CSMD1: variants seen among roughly 807,000 people sequenced by gnomAD.
CSMD1 encodes CUB and Sushi multiple domains 1.
A neutral mutation model predicts 417.5 loss-of-function variants in CSMD1; 213 were observed. The ratio of observed to expected loss-of-function variants is 0.51; its 90% CI spans 0.46 to 0.57. CSMD1 has a LOEUF of 0.57. Among genes scored for constraint, CSMD1 ranks in the 20% least tolerant of loss-of-function variants. The probability of loss-of-function intolerance (pLI) is 0.00; values close to 1 mark genes in which losing one functional copy is unlikely to be tolerated. For missense variants in CSMD1, 6,923 were observed against 4,529.7 expected, an observed-to-expected ratio of 1.53 and a Z score of -15.17; for synonymous variants, 2,862 against 1,736.8, an observed-to-expected ratio of 1.65 and a Z score of -16.11.
intron 2 of CSMD1, among the ~76,000 whole-genome samples, chr8:4,491,129 C>G (rs923281853): frequency 6.6e-6 from 1 of 152,086 alleles, no homozygotes; most frequent in Non-Finnish European, 1.5e-5. Context: ...ATGAAATAAT[C>G]TCTACAACAA....
At chr8:3,873,224 A>G (rs1805599855) in intron 5 of CSMD1, among the ~76,000 whole-genome samples, 1 of 152,220 alleles carries the variant, frequency 6.6e-6, no homozygotes, top group Non-Finnish European at 1.5e-5. Flanking sequence ...AAGGAACAGC[A>G]ATCATTCTAT....
chr8:3,237,423 C>T (rs1041011728), intron 26 of CSMD1, among the ~76,000 whole-genome samples: 11 of 151,344 alleles, frequency 7.3e-5, no homozygotes, highest in Non-Finnish European at 1.6e-4. Flanking sequence ...CACCATTGTA[C>T]TCCAGCATGG....
At chr8:4,319,957 G>C (rs1274201702) in intron 3 of CSMD1, among the ~76,000 whole-genome samples, 3 of 152,108 alleles carry the variant, frequency 2.0e-5, no homozygotes, top group Non-Finnish European at 4.4e-5. Flanking sequence ...CCAATGTTTG[G>C]ATTTTTACAG....
At chr8:4,178,381 C>T (rs962875627) in intron 3 of CSMD1, among the ~76,000 whole-genome samples, 103 of 150,376 alleles carry the variant, frequency 6.8e-4, no homozygotes, top group African/African-American at 2.0e-3. Flanking sequence ...AATTCAACAA[C>T]CCTTCATGCT....
chr8:3,743,216 T>A (rs1354796664), intron 6 of CSMD1, among the ~76,000 whole-genome samples: 1 of 152,184 alleles, frequency 6.6e-6, no homozygotes, highest in African/African-American at 2.4e-5. Flanking sequence ...TGTTCTGCCC[T>A]TTTTTTGTGG....
intron 3 of CSMD1, among the ~76,000 whole-genome samples, chr8:4,160,824 G>A (rs35649086): frequency 6.6e-6 from 1 of 152,038 alleles, no homozygotes; most frequent in Non-Finnish European, 1.5e-5. Context: ...CAGAAAAGAA[G>A]AAGAAAAGGA....
In CSMD1 at chr8:3,458,594, T is replaced by A. The variant is rs536667736; in HGVS notation, c.1561+10118A>T. ...TCGTTTCAGTAAAATCCTATGTTCA[T>A]CTTATTCGTCTTGCGTTAAGACAAC... is the stretch of plus-strand genomic sequence containing the variant. On this transcript the variant is annotated intron_variant, in intron 12 of 69. Transcript: ENST00000635120. Among the ~76,000 whole-genome samples the A allele has an allele frequency of 1.2e-4, 18 of 152,352 alleles. No individual in the cohort carries two copies. The South Asian group carries it at 3.7e-3, about 32-fold the overall frequency.
chr8:3,608,556 G>C (rs1357095808), intron 8 of CSMD1, among the ~76,000 whole-genome samples: 1 of 152,100 alleles, frequency 6.6e-6, no homozygotes, highest in Admixed American at 6.6e-5. Flanking sequence ...GAGGTCAGGA[G>C]TTTGAGACGA....
At chr8:3,306,445 C>T (rs1254024796) in intron 25 of CSMD1, among the ~76,000 whole-genome samples, 1 of 152,138 alleles carries the variant, frequency 6.6e-6, no homozygotes, top group Non-Finnish European at 1.5e-5. Flanking sequence ...AAGTGTTAGG[C>T]ATGAGCCACT....
At position 4,862,812 on chromosome 8, in the gene CSMD1, G is replaced by A. The variant is rs182839141; in HGVS notation, c.85+131520C>T. Among the ~76,000 whole-genome samples the A allele has an allele frequency of 2.3e-3, 350 of 152,182 alleles. 12 individuals carry two copies. The South Asian group carries it at 0.039, about 17-fold the overall frequency. ...CGGTGACAGCCTAAAGGGATTTGGG[G>A]TAGCTAGAAAGTTGAAGACCTCCCA... On this transcript the variant is annotated intron_variant, in intron 1 of 69. Coordinates refer to ENST00000635120, the MANE Select transcript of CSMD1 (RefSeq NM_033225.6).
In CSMD1 at chr8:3,992,522, T is replaced by C. The variant is rs540694801; in HGVS notation, c.818+5381A>G. Among the ~76,000 whole-genome samples, 172 of 152,334 alleles carry C rather than the reference T, an allele frequency of 1.1e-3. 1 individual carries two copies. The highest frequency in any genetic ancestry group is 4.1e-3 in the African/African-American group (169 of 41,584). On this transcript the variant is annotated intron_variant, in intron 5 of 69. Transcript: ENST00000635120. ...ATATGGGACTGGCTGTTGTGGCTCA[T>C]GCCTGTAATTCCACACTTTGGGAGG...
intron 9 of CSMD1, among the ~76,000 whole-genome samples, chr8:3,576,210 A>G (rs565771866): frequency 3.3e-5 from 5 of 152,018 alleles, no homozygotes; most frequent in Non-Finnish European, 4.4e-5. Flanking sequence ...TTAACCACTG[A>G]ACGCAGGTTT....
rs571696512 is a variant in CSMD1 at position 4,535,139 on chromosome 8, T to G, written c.302+102203A>C. ...TATTAAAAACATAATCTCCCATATA[T>G]AACAACTTTGAAAATTATATAATGC... is the stretch of plus-strand genomic sequence containing the variant. On this transcript the variant is annotated intron_variant, in intron 2 of 69. Transcript: ENST00000635120. Among the ~76,000 whole-genome samples the G allele has an allele frequency of 1.1e-4, 16 of 152,296 alleles. No individual in the cohort carries two copies. In the South Asian group the frequency reaches 2.9e-3, roughly 28 times the overall value.
chr8:3,789,999 G>C (rs564408606), intron 5 of CSMD1, among the ~76,000 whole-genome samples: 3 of 152,098 alleles, frequency 2.0e-5, no homozygotes, highest in African/African-American at 7.2e-5. Flanking sequence ...CCAAAGTGCT[G>C]GGATTACAGG....
At chr8:3,864,222 C>A (rs555660760) in intron 5 of CSMD1, among the ~76,000 whole-genome samples, 1 of 152,304 alleles carries the variant, frequency 6.6e-6, no homozygotes, top group South Asian at 2.1e-4. Context: ...ACTCCTTGCT[C>A]ATACAAACCC....
chr8:4,281,147 G>A (rs1796759811), intron 3 of CSMD1, among the ~76,000 whole-genome samples: 1 of 152,190 alleles, frequency 6.6e-6, no homozygotes, highest in African/African-American at 2.4e-5. Flanking sequence ...GCCCTCGGGA[G>A]CACCTGACCC....
chr8:4,769,979 G>A (rs1308050888), intron 1 of CSMD1, among the ~76,000 whole-genome samples: 1 of 151,980 alleles, frequency 6.6e-6, no homozygotes, highest in Non-Finnish European at 1.5e-5. Context: ...AAGCTGGACA[G>A]AAACTCTCTC....
chr8:3,606,535 G>A (rs1801623702), intron 8 of CSMD1, among the ~76,000 whole-genome samples: 1 of 152,118 alleles, frequency 6.6e-6, no homozygotes, highest in African/African-American at 2.4e-5. Flanking sequence ...TGGCAGGGTG[G>A]AAGTTGCTCT....
At chr8:4,373,423 G>T (rs919179004) in intron 3 of CSMD1, among the ~76,000 whole-genome samples, 1 of 152,172 alleles carries the variant, frequency 6.6e-6, no homozygotes, top group Non-Finnish European at 1.5e-5. Flanking sequence ...AGAGGAGACA[G>T]AGTGTGGAGT....
Sources: allele counts gnomAD v4.1 joint callset (sites outside exome capture counted in the v4.1 genomes callset), GRCh38; gene constraint gnomAD v4.1.1; transcripts MANE v1.5; gene names NCBI Gene and HGNC (gene_info 2026-07-23, HGNC 2026-07-21).